FHIP1A: variants seen among roughly 807,000 people sequenced by gnomAD.
FHIP1A encodes the protein FHF complex subunit HOOK-interacting protein 1A.
In FHIP1A, 61 loss-of-function variants were observed where a neutral mutation model predicts 88.6. That is an observed-to-expected ratio of 0.69 (90% CI 0.56 to 0.85). The LOEUF is 0.85. Ranked by LOEUF, FHIP1A falls within the 40% of genes least tolerant of loss-of-function variation. FHIP1A has a pLI of 0.00. For missense variants in FHIP1A, 1,154 were observed against 1,273.5 expected (o/e 0.91, Z 1.43); for synonymous variants, 478 against 496.0 (o/e 0.96, Z 0.48).
chr4:151,649,664 G>A lies in FHIP1A; in HGVS notation c.1623G>A (p.Glu541=). ...DPEMFLQSLT[E]EGSVSSACPV... The stretch of plus-strand genomic sequence containing the variant: ...AGATGTTTCTCCAGAGTCTGACGGA[G>A]GAGGGCAGTGTGAGCTCGGCCTGCC... Residue 541 remains glutamate, a synonymous_variant, in exon 11 of 14, where the codon GAG becomes GAA. Coordinates refer to ENST00000435205, the MANE Select transcript of FHIP1A (RefSeq NM_001109977.3). 6.4e-7 allele frequency: 1 copy of A among 1,551,636 alleles called. No individual in the cohort carries two copies.
intron 3 of FHIP1A, among the ~76,000 whole-genome samples, chr4:151,497,622 T>TTG (rs142054361): frequency 2.9e-4 from 44 of 151,770 alleles, no homozygotes; most frequent in South Asian, 6.2e-4. Context: ...TTGTCACAAC[T>TTG]TGTGTGTGTG....
At position 151,563,347 on chromosome 4, in the gene FHIP1A, TA is replaced by T. The variant is rs934582828; in HGVS notation, c.-122-2781del. 2.9e-3 allele frequency among the ~76,000 whole-genome samples: 436 copies of T among 149,214 alleles called. 1 individual carries two copies. The highest frequency in any genetic ancestry group is 1.0e-2 in the African/African-American group (406 of 40,744). On this transcript the variant is annotated intron_variant, in intron 3 of 13. Coordinates refer to ENST00000435205, the MANE Select transcript of FHIP1A (RefSeq NM_001109977.3). ...TGTTGGTGGTTTTTTTGAAGAAAGA[TA>T]AAAAAAAAATCACTCCTTGGCATCT...
chr4:151,588,831 C>G lies in FHIP1A; in HGVS notation c.892-9C>G. 6.5e-7 allele frequency: 1 copy of G among 1,535,414 alleles called. No individual in the cohort carries two copies. The highest frequency in any genetic ancestry group is 8.8e-7 in the Non-Finnish European group (1 of 1,132,314). On this transcript the variant is annotated splice_polypyrimidine_tract_variant and intron_variant, in intron 6 of 13. Transcript: ENST00000435205. ...TTGCCTTTTTCATGCCTATGTGCCT[C>G]TCTCTCAGGTGGCTCACCCCTTGAT...
chr4:151,528,285 C>T (rs760618809), intron 3 of FHIP1A, among the ~76,000 whole-genome samples: 10 of 152,144 alleles, frequency 6.6e-5, no homozygotes, highest in Non-Finnish European at 1.0e-4. Context: ...CAGTAGTGCT[C>T]CTCTACTGCC....
rs1450889033 is a variant in FHIP1A, at chr4:151,650,007, A to G, written c.1966A>G (p.Met656Val). 4.5e-6 allele frequency: 7 copies of G among 1,551,702 alleles called. No homozygotes were observed. The African/African-American group carries it at 6.8e-5, about 15-fold the overall frequency. ...RLCAEKDSED[M>V]KDSQEEAARP... ...GTGTGCTGAGAAGGACTCCGAGGAC[A>G]TGAAGGATTCTCAGGAGGAAGCTGC... Residue 656 changes from methionine (M) to valine (V), a missense_variant, in exon 11 of 14, where the codon ATG (methionine) becomes GTG (valine). Coordinates refer to ENST00000435205, the MANE Select transcript of FHIP1A (RefSeq NM_001109977.3).
At chr4:151,644,074 T>C (rs1560817320) in intron 9 of FHIP1A, among the ~76,000 whole-genome samples, 1 of 152,264 alleles carries the variant, frequency 6.6e-6, no homozygotes, top group Non-Finnish European at 1.5e-5. Context: ...AAGCAGTCAT[T>C]GCTGTTCCAG....
At chr4:151,564,179 G>A (rs1733289316) in intron 3 of FHIP1A, among the ~76,000 whole-genome samples, 1 of 152,214 alleles carries the variant, frequency 6.6e-6, no homozygotes, top group Admixed American at 6.5e-5. Context: ...CAATTGGCAT[G>A]ATGTATGTTC....
chr4:151,595,197 C>G (rs1187290202), intron 7 of FHIP1A, among the ~76,000 whole-genome samples: 1 of 152,146 alleles, frequency 6.6e-6, no homozygotes, highest in Non-Finnish European at 1.5e-5. Flanking sequence ...ACTGCTTTAG[C>G]TGTGTCCCAG....
intron 1 of FHIP1A, among the ~76,000 whole-genome samples, chr4:151,422,140 AG>A (rs1733193483): frequency 6.6e-6 from 1 of 151,878 alleles, no homozygotes; most frequent in African/African-American, 2.4e-5. Flanking sequence ...TATGGTAATA[AG>A]ATCCTCAAGT....
At chr4:151,611,529 C>T (rs1210182116) in intron 7 of FHIP1A, among the ~76,000 whole-genome samples, 2 of 152,026 alleles carry the variant, frequency 1.3e-5, no homozygotes. Context: ...TATGAGATAT[C>T]GAGGTAAAAT....
intron 9 of FHIP1A, among the ~76,000 whole-genome samples, chr4:151,642,665 C>G (rs1736631395): frequency 6.6e-6 from 1 of 152,084 alleles, no homozygotes; most frequent in Non-Finnish European, 1.5e-5. Context: ...TCGTACTTCA[C>G]TGCCTTGTTT....
At chr4:151,625,070 G>A (rs985978784) in intron 7 of FHIP1A, among the ~76,000 whole-genome samples, 8 of 152,158 alleles carry the variant, frequency 5.3e-5, no homozygotes, top group South Asian at 4.1e-4. Flanking sequence ...CCACCTGTCC[G>A]TTGGCTTGGC....
At chr4:151,624,690 T>A (rs1735885284) in intron 7 of FHIP1A, among the ~76,000 whole-genome samples, 2 of 152,104 alleles carry the variant, frequency 1.3e-5, no homozygotes, top group Non-Finnish European at 2.9e-5. Context: ...CTCAAATATT[T>A]TAGGAATAAA....
At chr4:151,417,807 A>G (rs568719847) in intron 1 of FHIP1A, among the ~76,000 whole-genome samples, 73 of 152,146 alleles carry the variant, frequency 4.8e-4, no homozygotes, top group Non-Finnish European at 9.1e-4. Context: ...AAATCTCTCT[A>G]ATTTGTGTAT....
At chr4:151,529,515 ATTG>A (rs997662997) in intron 3 of FHIP1A, among the ~76,000 whole-genome samples, 3 of 152,094 alleles carry the variant, frequency 2.0e-5, no homozygotes, top group African/African-American at 7.2e-5. Flanking sequence ...CAGCCTAGGG[ATTG>A]TTTGCTTCTA....
In FHIP1A at chr4:151,606,807, C is replaced by T. The variant is rs145286942; in HGVS notation, c.978+17881C>T. Among the ~76,000 whole-genome samples, 372 of 152,266 alleles carry T rather than the reference C, an allele frequency of 2.4e-3. 1 individual carries two copies. The highest frequency in any genetic ancestry group is 8.3e-3 in the African/African-American group (344 of 41,556). ...GTTTCTTACCATGCTTGGAGTAAAC[C>T]AGTGACTTAGATTGTATTCTCCACT... is the stretch of plus-strand genomic sequence containing the variant. On this transcript the variant is annotated intron_variant, in intron 7 of 13. Transcript: ENST00000435205.
intron 2 of FHIP1A, among the ~76,000 whole-genome samples, chr4:151,474,940 A>G (rs759808677): frequency 2.6e-5 from 4 of 152,172 alleles, no homozygotes; most frequent in Non-Finnish European, 4.4e-5. Context: ...CAGACTTTCA[A>G]TCAATGGTGT....
At chr4:151,618,965 A>G (rs1735642512) in intron 7 of FHIP1A, among the ~76,000 whole-genome samples, 1 of 152,202 alleles carries the variant, frequency 6.6e-6, no homozygotes. Flanking sequence ...AAGTACCTTA[A>G]GCACCCAGGG....
chr4:151,605,433 AC>A (rs1735035282), intron 7 of FHIP1A, among the ~76,000 whole-genome samples: 1 of 152,196 alleles, frequency 6.6e-6, no homozygotes, highest in Non-Finnish European at 1.5e-5. Flanking sequence ...CGCAATGATA[AC>A]TGTGACCACA....
Sources: gnomAD v4.1 joint callset for allele counts (sites outside exome capture counted in the v4.1 genomes callset) on GRCh38, gnomAD v4.1.1 for gene constraint, MANE v1.5 for transcripts, NCBI Gene and HGNC (gene_info 2026-07-23, HGNC 2026-07-21) for gene names.